The following UPP2 variants were observed in gnomAD, a reference collection of about 807,000 sequenced individuals.
UPP2 encodes uridine phosphorylase 2, also known as UPase 2.
In UPP2, 23 loss-of-function variants were observed where a neutral mutation model predicts 26.7. The ratio of observed to expected loss-of-function variants is 0.86; its 90% CI spans 0.62 to 1.22. The LOEUF is 1.22. Among genes scored for constraint, UPP2 ranks in the 50% most tolerant of loss-of-function variants. UPP2 has a pLI of 0.00. For missense variants in UPP2, 387 were observed against 396.7 expected, an observed-to-expected ratio of 0.98 and a Z score of 0.21; for synonymous variants, 127 against 141.3, an observed-to-expected ratio of 0.90 and a Z score of 0.72.
chr2:158,061,469 G>A (rs1208100108), intron 3 of UPP2, among the ~76,000 whole-genome samples: 1 of 152,222 alleles, frequency 6.6e-6, no homozygotes, highest in Non-Finnish European at 1.5e-5. Flanking sequence ...AAAACACTGT[G>A]TAGCAGCATT....
At chr2:158,026,317 A>G (rs1683832308) in intron 3 of UPP2, among the ~76,000 whole-genome samples, 1 of 152,050 alleles carries the variant, frequency 6.6e-6, no homozygotes, top group Non-Finnish European at 1.5e-5. Flanking sequence ...TCAGCTCTCA[A>G]GCAGAAAGTA....
At chr2:158,081,421 A>G in intron 3 of UPP2, among the ~76,000 whole-genome samples, 1 of 152,156 alleles carries the variant, frequency 6.6e-6, no homozygotes, top group South Asian at 2.1e-4. Context: ...TTCCTCAAAA[A>G]ACTAAAAATA....
At chr2:158,086,740 T>C (rs992438183) in intron 3 of UPP2, among the ~76,000 whole-genome samples, 3 of 152,200 alleles carry the variant, frequency 2.0e-5, no homozygotes, top group African/African-American at 4.8e-5. Context: ...CTTGATTTCA[T>C]TGTTGACCCA....
At chr2:158,027,005 C>T (rs546924981) in intron 3 of UPP2, among the ~76,000 whole-genome samples, 4 of 152,196 alleles carry the variant, frequency 2.6e-5, no homozygotes, top group East Asian at 1.9e-4. Flanking sequence ...TATCTCGCAC[C>T]GGGTCCCTCT....
At chr2:158,081,038 T>C (rs568241249) in intron 3 of UPP2, among the ~76,000 whole-genome samples, 1 of 152,318 alleles carries the variant, frequency 6.6e-6, no homozygotes, top group African/African-American at 2.4e-5. Context: ...CTTCTAAATG[T>C]TGATTTAGTG....
chr2:158,085,002 T>G (rs541401951), intron 3 of UPP2, among the ~76,000 whole-genome samples: 9 of 152,252 alleles, frequency 5.9e-5, no homozygotes, highest in Non-Finnish European at 1.0e-4. Flanking sequence ...CATATGAATT[T>G]TAGAATTTTT....
chr2:158,099,705 T>C (rs1389772762), upstream of UPP2, among the ~76,000 whole-genome samples: 1 of 152,218 alleles, frequency 6.6e-6, no homozygotes, highest in Non-Finnish European at 1.5e-5. Context: ...ACATCAAGAC[T>C]GTGCTTTCTT....
At chr2:158,088,392 A>C (rs1682850777) in intron 3 of UPP2, among the ~76,000 whole-genome samples, 1 of 151,848 alleles carries the variant, frequency 6.6e-6, no homozygotes, top group Non-Finnish European at 1.5e-5. Flanking sequence ...TTCATATATC[A>C]TTTTTTAAAT....
chr2:158,025,177 G>T (rs949700134), intron 3 of UPP2, among the ~76,000 whole-genome samples: 1 of 150,930 alleles, frequency 6.6e-6, no homozygotes, highest in African/African-American at 2.4e-5. Context: ...ACTCCAGCCT[G>T]GGTGACAGAG....
intron 3 of UPP2, among the ~76,000 whole-genome samples, chr2:158,048,507 G>A (rs2105169401): frequency 6.6e-6 from 1 of 152,312 alleles, no homozygotes; most frequent in Admixed American, 6.5e-5. Flanking sequence ...GGGAGGCTAA[G>A]GTGGGAGGAT....
chr2:158,134,855 A>T lies in UPP2; in HGVS notation c.919A>T (p.Asn307Tyr). 1 of 1,613,676 alleles carries T rather than the reference A, an allele frequency of 6.2e-7. No homozygotes were observed. The highest frequency in any genetic ancestry group is 8.5e-7 in the Non-Finnish European group (1 of 1,179,760). The change falls in exon 7 of 7, where the codon AAC becomes TAC. Residue 307 changes from asparagine to tyrosine, a missense_variant. By Grantham distance (143) the Asn-to-Tyr change is moderately radical. Coordinates refer to ENST00000005756, the MANE Select transcript of UPP2 (RefSeq NM_173355.4). ...YQQRPQLLIS[N>Y]FIRRRLGLCD ...GCAACGGCCTCAGCTCCTAATCTCC[A>T]ACTTCATCAGACGGCGGCTTGGACT... is the stretch of plus-strand genomic sequence containing the variant.
upstream of UPP2, among the ~76,000 whole-genome samples, chr2:158,100,265 G>A (rs1683052452): frequency 6.6e-6 from 1 of 152,158 alleles, no homozygotes; most frequent in African/African-American, 2.4e-5. Flanking sequence ...GTTACATGGG[G>A]TCCATAAATC....
intron 1 of UPP2, 80 bp from the exon 2 acceptor site, chr2:158,106,019 G>C (rs370833588): frequency 6.6e-6 from 7 of 1,054,892 alleles, no homozygotes; most frequent in Middle Eastern, 2.8e-4. Flanking sequence ...CCTAAAGGAA[G>C]GTTTATGTTC....
At chr2:158,037,218 C>CA (rs1015149584) in intron 3 of UPP2, among the ~76,000 whole-genome samples, 79 of 149,524 alleles carry the variant, frequency 5.3e-4, no homozygotes, top group Middle Eastern at 3.4e-3. Context: ...ACTAAAAATA[C>CA]AAAAAAATTA....
At chr2:158,074,002 T>C (rs184305690) in intron 3 of UPP2, among the ~76,000 whole-genome samples, 348 of 152,162 alleles carry the variant, frequency 2.3e-3, no homozygotes, top group African/African-American at 8.0e-3. Context: ...CAGTGAGACC[T>C]TGTCTCTCCA....
intron 3 of UPP2, among the ~76,000 whole-genome samples, chr2:158,037,167 GTT>G (rs1684015462): frequency 6.6e-6 from 1 of 152,066 alleles, no homozygotes; most frequent in South Asian, 2.1e-4. Context: ...GAGGTCAGGA[GTT>G]TGAGACCAGT....
At chr2:158,071,805 C>T (rs944735370) in intron 3 of UPP2, among the ~76,000 whole-genome samples, 1 of 151,954 alleles carries the variant, frequency 6.6e-6, no homozygotes, top group African/African-American at 2.4e-5. Flanking sequence ...CCCTTCAGCC[C>T]CAAATAACTA....
intron 6 of UPP2, 147 bp downstream of exon 6, chr2:158,124,042 A>G: frequency 2.3e-6 from 2 of 860,170 alleles, no homozygotes; most frequent in Non-Finnish European, 3.4e-6. Context: ...ATTATCTCAT[A>G]ATATCTTGTG....
Position 158,101,904 on chromosome 2 carries a change from A to G in UPP2, c.-160A>G, listed in dbSNP as rs1041255124. ...GGAAAATTTAAAATGCTAAAGGAAA[A>G]ATTTTCTTAGCAATTTCACAGGAAA... On this transcript the variant is annotated 5_prime_UTR_variant, in exon 1 of 7. Coordinates refer to ENST00000005756, the MANE Select transcript of UPP2 (RefSeq NM_173355.4). 7.4e-7 allele frequency: 1 copy of G among 1,353,386 alleles called. No homozygotes were observed. 83.8% of individuals were successfully genotyped at this position (1,353,386 alleles called of 1,614,324 possible). A position where few individuals can be genotyped will look rare whatever the true frequency, so the allele number is the denominator to read the frequency against.
Sources: gnomAD v4.1 joint callset for allele counts (sites outside exome capture counted in the v4.1 genomes callset) on GRCh38, gnomAD v4.1.1 for gene constraint, MANE v1.5 for transcripts, NCBI Gene and HGNC (gene_info 2026-07-23, HGNC 2026-07-21) for gene names.